The following AHDC1 variants were observed in gnomAD, a reference collection of about 807,000 sequenced individuals.
AHDC1 encodes the protein AT-hook DNA binding motif containing 1.
In AHDC1, 7 loss-of-function variants were observed where a neutral mutation model predicts 87.9. The observed-to-expected ratio is 0.08, with a 90% confidence interval of 0.05 to 0.15. The LOEUF (loss-of-function observed/expected upper bound fraction) is 0.15, where lower values mean the gene tolerates loss of function less well. Among genes scored for constraint, AHDC1 ranks in the 10% least tolerant of loss-of-function variants. The probability of loss-of-function intolerance (pLI) is 1.00; values close to 1 mark genes in which losing one functional copy is unlikely to be tolerated. For synonymous variants in AHDC1, 1,051 were observed against 1,006.8 expected, an observed-to-expected ratio of 1.04 and a Z score of -0.83; for missense variants, 1,841 against 2,253.2, an observed-to-expected ratio of 0.82 and a Z score of 3.70.
intron 3 of AHDC1, among the ~76,000 whole-genome samples, chr1:27,599,362 GCCTC>G (rs574535605): frequency 3.6e-4 from 54 of 151,820 alleles, no homozygotes; most frequent in African/African-American, 1.1e-3. Flanking sequence ...CTCCTCTCTC[GCCTC>G]CCTCCCTCTC....
intron 8 of AHDC1, among the ~76,000 whole-genome samples, chr1:27,539,995 A>C (rs1571208383): frequency 6.7e-6 from 1 of 149,242 alleles, no homozygotes; most frequent in Non-Finnish European, 1.5e-5. Flanking sequence ...CCCACTCTCC[A>C]CCCTCCAGCT....
chr1:27,534,710 T>C lies in AHDC1; in HGVS notation c.*250A>G, dbSNP rs2018566903. On this transcript the variant is annotated 3_prime_UTR_variant, in exon 9 of 9. Transcript: ENST00000673934. ...AACTGTGTTTTGTTTTTAAGTTTTG[T>C]ACATTTTTAAAAAGTATTTACAATT... 6.6e-6 allele frequency: 1 copy of C among 152,250 alleles called. No homozygotes were observed. The highest frequency in any genetic ancestry group is 2.4e-5 in the African/African-American group (1 of 41,278). 9.4% of individuals were successfully genotyped at this position (152,250 alleles called of 1,614,324 possible).
chr1:27,599,754 G>GCC (rs58004981), intron 3 of AHDC1, among the ~76,000 whole-genome samples: 5 of 151,948 alleles, frequency 3.3e-5, no homozygotes, highest in African/African-American at 1.2e-4. Flanking sequence ...CACAGGCCAC[G>GCC]CCCCCCCGGG....
Position 27,552,209 on chromosome 1 carries a change from G to A in AHDC1, c.-74-20C>T, listed in dbSNP as rs952942306. 7.0e-7 allele frequency: 1 copy of A among 1,421,564 alleles called. No individual in the cohort carries two copies. The highest frequency in any genetic ancestry group is 9.2e-7 in the Non-Finnish European group (1 of 1,091,900). 88.1% of individuals were successfully genotyped at this position (1,421,564 alleles called of 1,614,324 possible). ...CAGGACCTGCCAGGCAGGAAGAGCA[G>A]GAGGTCCCTTACTGAACACCTACAT... On this transcript the variant is annotated intron_variant, in intron 7 of 8. Coordinates refer to ENST00000673934, the MANE Select transcript of AHDC1 (RefSeq NM_001371928.1).
chr1:27,536,358 G>GAGGCAT (rs2018639210), intron 8 of AHDC1, among the ~76,000 whole-genome samples: 1 of 152,260 alleles, frequency 6.6e-6, no homozygotes, highest in Non-Finnish European at 1.5e-5. Flanking sequence ...GTGGCAGGCA[G>GAGGCAT]AGGCATAGGA....
chr1:27,601,922 C>A (rs981084026), intron 3 of AHDC1, among the ~76,000 whole-genome samples: 1 of 152,220 alleles, frequency 6.6e-6, no homozygotes, highest in African/African-American at 2.4e-5. Context: ...CAAAGCTTGT[C>A]CTCACACCCT....
Position 27,559,639 on chromosome 1 carries a change from G to T in AHDC1, c.-628-756C>A, listed in dbSNP as rs370334646. Among the ~76,000 whole-genome samples the T allele has an allele frequency of 3.5e-4, 53 of 152,370 alleles. No homozygotes were observed. In the South Asian group the frequency reaches 0.011, roughly 32 times the overall value. On this transcript the variant is annotated intron_variant, in intron 3 of 8. Transcript: ENST00000673934. ...CAAACAGGTTACTGACAATGCAGAT[G>T]TGAGAGGTGCTGTTCAGAGTGATGG...
Position 27,598,492 on chromosome 1 carries a change from G to A in AHDC1, c.-629+4905C>T, listed in dbSNP as rs2089438005. 6.6e-6 allele frequency among the ~76,000 whole-genome samples: 1 copy of A among 152,160 alleles called. No homozygotes were observed. The highest frequency in any genetic ancestry group is 2.4e-5 in the African/African-American group (1 of 41,436). On this transcript the variant is annotated intron_variant, in intron 3 of 8. Transcript: ENST00000673934. This position sits in a 1 kb window ranked among gnomAD's most constrained non-coding sequence, Gnocchi z 4.2. The stretch of plus-strand genomic sequence containing the variant: ...GAGGCCAGGCCTTGGGCGAAGGAGG[G>A]GCTGGGAGCCAGGGCTTCCTGTCAG...
At chr1:27,536,228 C>T (rs1293700710) in intron 8 of AHDC1, among the ~76,000 whole-genome samples, 1 of 152,246 alleles carries the variant, frequency 6.6e-6, no homozygotes, top group African/African-American at 2.4e-5. Context: ...GCTGGGCAGT[C>T]AGCCCCGGGG....
At chr1:27,569,903 G>A (rs1234895514) in intron 3 of AHDC1, among the ~76,000 whole-genome samples, 1 of 152,130 alleles carries the variant, frequency 6.6e-6, no homozygotes, top group African/African-American at 2.4e-5. Flanking sequence ...CTTTCCTGGG[G>A]GAGGCGGCAC....
chr1:27,602,844 G>A (rs924079910), intron 3 of AHDC1, among the ~76,000 whole-genome samples: 18 of 147,272 alleles, frequency 1.2e-4, no homozygotes, highest in African/African-American at 4.5e-4. Context: ...TTAGGTCCCC[G>A]CCCCTCAACT....
At chr1:27,592,583 C>T (rs76966948) in intron 3 of AHDC1, among the ~76,000 whole-genome samples, 1 of 150,906 alleles carries the variant, frequency 6.6e-6, no homozygotes, top group Non-Finnish European at 1.5e-5. Flanking sequence ...CTCCCCCCCC[C>T]AGGCCCTGCT....
chr1:27,594,698 C>A (rs539279610), intron 3 of AHDC1, among the ~76,000 whole-genome samples: 5 of 151,916 alleles, frequency 3.3e-5, no homozygotes, highest in Admixed American at 2.6e-4. Flanking sequence ...AGAGAGAGAG[C>A]GAGAGCACAC....
chr1:27,599,483 C>T (rs1474848653), intron 3 of AHDC1, among the ~76,000 whole-genome samples: 1 of 152,218 alleles, frequency 6.6e-6, no homozygotes, highest in Non-Finnish European at 1.5e-5. Context: ...CCCAGGAGGC[C>T]CCCTGCAGCT....
rs185682172 is a variant in AHDC1, at chr1:27,597,787, G to A, written c.-629+5610C>T. On this transcript the variant is annotated intron_variant, in intron 3 of 8. Transcript: ENST00000673934. ...TCCCTCCCTCTCCCTCCCTCTCTCT[G>A]TCTGTCTGGGTTTCCCCCTTTCTTT... is the stretch of plus-strand genomic sequence containing the variant. Among the ~76,000 whole-genome samples the A allele has an allele frequency of 1.1e-3, 161 of 152,134 alleles. 1 individual carries two copies. The highest frequency in any genetic ancestry group is 3.7e-3 in the African/African-American group (155 of 41,488).
At chr1:27,577,797 A>G (rs1267818466) in intron 3 of AHDC1, among the ~76,000 whole-genome samples, 1 of 152,148 alleles carries the variant, frequency 6.6e-6, no homozygotes, top group Non-Finnish European at 1.5e-5. Flanking sequence ...AGGCCAGACA[A>G]GACTGAGGTG....
Position 27,547,192 on chromosome 1 carries a change from T to TGCATAAGCTCTGATGTCCTC in AHDC1, c.*43+68_*43+69insGAGGACATCAGAGCTTATGC. ...TTCCTGCACTCCATACCTCTGTCCTTGCCTAAGCTCTGATGTCCTCTTCCC... is the reference window on the plus strand; with the variant it reads ...TTCCTGCACTCCATACCTCTGTCCTTGCATAAGCTCTGATGTCCTCGCCTAAGCTCTGATGTCCTCTTCCC... On this transcript the variant is annotated intron_variant, in intron 8 of 8. Coordinates refer to ENST00000673934, the MANE Select transcript of AHDC1 (RefSeq NM_001371928.1). The surrounding 1 kb of genome is among the most constrained non-coding windows in gnomAD (Gnocchi z 4.9). 1 of 1,149,788 alleles carries TGCATAAGCTCTGATGTCCTC rather than the reference T, an allele frequency of 8.7e-7. No individual in the cohort carries two copies. Among genetic ancestry groups the TGCATAAGCTCTGATGTCCTC allele is most frequent in the Non-Finnish European group, 1.2e-6 (1 of 819,222 alleles). 71.2% of individuals were successfully genotyped at this position (1,149,788 alleles called of 1,614,324 possible). A position where few individuals can be genotyped will look rare whatever the true frequency, so the allele number is the denominator to read the frequency against.
At chr1:27,569,223 G>GC (rs1172451061) in intron 3 of AHDC1, among the ~76,000 whole-genome samples, 1 of 152,012 alleles carries the variant, frequency 6.6e-6, no homozygotes, top group African/African-American at 2.4e-5. Flanking sequence ...ACTGCCAGCT[G>GC]CAATCCTGGC....
In AHDC1 at chr1:27,547,285, G is replaced by C. The variant is rs745420074; in HGVS notation, c.*19C>G. 1.3e-6 allele frequency: 2 copies of C among 1,517,812 alleles called. No individual in the cohort carries two copies. The highest frequency in any genetic ancestry group is 8.8e-7 in the Non-Finnish European group (1 of 1,133,802). The allele number at this position is 1,517,812 out of a possible 1,614,324, so 94.0% of individuals were successfully genotyped here. A position where few individuals can be genotyped will look rare whatever the true frequency, so the allele number is the denominator to read the frequency against. ...CCCAGGAACAAAACCTCGCGGTCCA[G>C]TCGGCACTTCAGTTGGCACTACAGG... is the stretch of plus-strand genomic sequence containing the variant. On this transcript the variant is annotated 3_prime_UTR_variant, in exon 8 of 9. Transcript: ENST00000673934. This position sits in a 1 kb window ranked among gnomAD's most constrained non-coding sequence, Gnocchi z 4.9.
Sources: allele counts gnomAD v4.1 joint callset (sites outside exome capture counted in the v4.1 genomes callset), GRCh38; gene constraint gnomAD v4.1.1; non-coding constraint Gnocchi (gnomAD v3.1); transcripts MANE v1.5; gene names NCBI Gene and HGNC (gene_info 2026-07-23, HGNC 2026-07-21).